Variants in LEMD1 observed in about 807,000 individuals in gnomAD.
LEMD1 encodes the protein LEM domain containing 1.
LEMD1 carries 18 observed loss-of-function variants against 17.4 expected under a neutral mutation model. The observed-to-expected ratio is 1.04, with a 90% CI of 0.72 to 1.54. The LOEUF (loss-of-function observed/expected upper bound fraction) is 1.54. Among genes scored for constraint, LEMD1 ranks in the 40% most tolerant of loss-of-function variants. The probability of loss-of-function intolerance (pLI) is 0.00; values close to 1 mark genes in which losing one functional copy is unlikely to be tolerated. For synonymous variants in LEMD1, 88 were observed against 77.8 expected (o/e 1.13, Z -0.69); for missense variants, 195 against 210.4 (o/e 0.93, Z 0.45).
At chr1:205,432,708 C>T (rs1666143334) in intron 1 of LEMD1, among the ~76,000 whole-genome samples, 1 of 152,198 alleles carries the variant, frequency 6.6e-6, no homozygotes, top group Non-Finnish European at 1.5e-5. Context: ...AGAGGAGGGT[C>T]CCCGGGAAAT....
At chr1:205,409,018 T>C (rs1275062347) in intron 4 of LEMD1, among the ~76,000 whole-genome samples, 1 of 152,076 alleles carries the variant, frequency 6.6e-6, no homozygotes, top group African/African-American at 2.4e-5. Flanking sequence ...TTTGTGTTTT[T>C]AGTAGAGACA....
At chr1:205,388,154 C>G (rs542138391) in intron 4 of LEMD1, among the ~76,000 whole-genome samples, 1 of 151,866 alleles carries the variant, frequency 6.6e-6, no homozygotes, top group African/African-American at 2.4e-5. Flanking sequence ...TTCTGAACAT[C>G]TATTATCTTG....
intron 2 of LEMD1, among the ~76,000 whole-genome samples, chr1:205,420,033 A>G (rs1665888014): frequency 6.6e-6 from 1 of 152,208 alleles, no homozygotes; most frequent in Non-Finnish European, 1.5e-5. Flanking sequence ...CACCCAATCC[A>G]TGCGCTGGGT....
intron 1 of LEMD1, among the ~76,000 whole-genome samples, 161 bp downstream of exon 1, chr1:205,421,829 G>C (rs890170516): frequency 6.6e-6 from 1 of 152,060 alleles, no homozygotes; most frequent in African/African-American, 2.4e-5. Flanking sequence ...TATGACATTT[G>C]TTCCTGAGAA....
At chr1:205,400,526 A>T (rs1264992073) in intron 4 of LEMD1, among the ~76,000 whole-genome samples, 2 of 152,208 alleles carry the variant, frequency 1.3e-5, no homozygotes, top group Admixed American at 6.5e-5. Context: ...CAAAAGGAAA[A>T]ATCAGACAAA....
At chr1:205,389,490 A>G (rs1664229291) in intron 4 of LEMD1, among the ~76,000 whole-genome samples, 1 of 152,194 alleles carries the variant, frequency 6.6e-6, no homozygotes, top group Non-Finnish European at 1.5e-5. Flanking sequence ...ACAGGCTGAC[A>G]CCTGCAATTA....
At chr1:205,402,021 G>A (rs1251067641) in intron 4 of LEMD1, among the ~76,000 whole-genome samples, 3 of 152,002 alleles carry the variant, frequency 2.0e-5, no homozygotes, top group Admixed American at 1.3e-4. Flanking sequence ...GTAGATATGC[G>A]GCGTTATTTC....
At chr1:205,444,139 C>T (rs1167269443) in intron 1 of LEMD1, among the ~76,000 whole-genome samples, 1 of 152,122 alleles carries the variant, frequency 6.6e-6, no homozygotes, top group Non-Finnish European at 1.5e-5. Flanking sequence ...CCTCCCCCTC[C>T]TTTTCCATGC....
At chr1:205,386,309 C>CATTT (rs1664015057) in intron 4 of LEMD1, 1 of 144,522 alleles carries the variant, frequency 6.9e-6, no homozygotes. Context: ...GTGCCCCCTT[C>CATTT]TTTTTTTTTT....
intron 4 of LEMD1, among the ~76,000 whole-genome samples, chr1:205,398,631 A>G (rs1664696933): frequency 6.6e-6 from 1 of 152,226 alleles, no homozygotes; most frequent in East Asian, 1.9e-4. Flanking sequence ...ACATGGACAC[A>G]GAAGTGTTGG....
intron 4 of LEMD1, among the ~76,000 whole-genome samples, chr1:205,407,458 G>A (rs1317279216): frequency 6.6e-6 from 1 of 151,852 alleles, no homozygotes; most frequent in African/African-American, 2.4e-5. Context: ...GTAAGTAACA[G>A]AACCTCCATA....
intron 1 of LEMD1, among the ~76,000 whole-genome samples, 175 bp from the exon 2 acceptor site, chr1:205,420,749 C>A (rs1405577667): frequency 6.6e-6 from 1 of 152,202 alleles, no homozygotes; most frequent in East Asian, 1.9e-4. Context: ...GGATTAGTTG[C>A]CTCCAATGTA....
At chr1:205,388,196 T>C (rs1664133048) in intron 4 of LEMD1, among the ~76,000 whole-genome samples, 1 of 144,580 alleles carries the variant, frequency 6.9e-6, no homozygotes, top group Non-Finnish European at 1.5e-5. Flanking sequence ...CACTTAATCT[T>C]TCTTTCTTTT....
At chr1:205,391,677 TC>T (rs1365491038) in intron 4 of LEMD1, among the ~76,000 whole-genome samples, 1 of 151,870 alleles carries the variant, frequency 6.6e-6, no homozygotes, top group South Asian at 2.1e-4. Flanking sequence ...TAAGGAGGCA[TC>T]CCCCGCCTCC....
At chr1:205,424,694 G>A (rs1263516876), upstream of LEMD1, among the ~76,000 whole-genome samples, 3 of 152,150 alleles carry the variant, frequency 2.0e-5, no homozygotes, top group African/African-American at 7.2e-5. Flanking sequence ...TATAAACAAC[G>A]GGCTGGGGAC....
chr1:205,395,041 A>C (rs1664524702), intron 4 of LEMD1, among the ~76,000 whole-genome samples: 1 of 152,124 alleles, frequency 6.6e-6, no homozygotes, highest in Non-Finnish European at 1.5e-5. Flanking sequence ...AGTTTTTAAA[A>C]ATCTTGATTC....
chr1:205,389,453 T>G (rs769499346), intron 4 of LEMD1, among the ~76,000 whole-genome samples: 2 of 152,188 alleles, frequency 1.3e-5, no homozygotes, highest in Non-Finnish European at 1.5e-5. Flanking sequence ...ATATTTACCG[T>G]GTAGGCTTGA....
rs1443198435 is a variant in LEMD1, at chr1:205,384,293, TC to T, written c.341del (p.Gly114GlufsTer43). ...TYCLDYKPSK[G>X]RRWAARAPST... ...ATGCTAAAAAACATCATTACCTTCTTCCCTTGGAAGGCTTATAATCCAAGCA... is the reference window on the plus strand; with the variant it reads ...ATGCTAAAAAACATCATTACCTTCTTCCTTGGAAGGCTTATAATCCAAGCA... On this transcript the variant is annotated frameshift_variant, in exon 5 of 6. Transcript: ENST00000367153. LOFTEE classifies it low-confidence loss of function (END_TRUNC). 2 of 1,497,780 alleles carry T rather than the reference TC, an allele frequency of 1.3e-6. No homozygotes were observed. Among genetic ancestry groups the T allele is most frequent in the Non-Finnish European group, 1.8e-6 (2 of 1,122,322 alleles). 92.8% of individuals were successfully genotyped at this position (1,497,780 alleles called of 1,614,324 possible).
intron 4 of LEMD1, among the ~76,000 whole-genome samples, chr1:205,411,118 G>A (rs1268073518): frequency 7.4e-6 from 1 of 135,606 alleles, no homozygotes; most frequent in Admixed American, 8.8e-5. Context: ...AAAGGAAGGA[G>A]GGAGGGAGGG....
Sources: gnomAD v4.1 joint callset for allele counts (sites outside exome capture counted in the v4.1 genomes callset) on GRCh38, gnomAD v4.1.1 for gene constraint, MANE v1.5 for transcripts, NCBI Gene and HGNC (gene_info 2026-07-23, HGNC 2026-07-21) for gene names.